Variants in PIN4 observed in about 807,000 individuals in gnomAD.
The protein encoded by PIN4 is peptidyl-prolyl cis-trans isomerase NIMA-interacting 4.
Under a neutral mutation model 8.3 loss-of-function variants are expected in PIN4, and 3 were observed. The observed-to-expected ratio is 0.36, with a 90% CI of 0.16 to 0.93. PIN4 has a LOEUF of 0.93. PIN4 is among the 40% of genes least tolerant of loss of function. The pLI is 0.44. For synonymous variants in PIN4, 18 were observed against 32.5 expected, an observed-to-expected ratio of 0.55 and a Z score of 1.52; for missense variants, 75 against 100.6, an observed-to-expected ratio of 0.75 and a Z score of 1.09.
intron 3 of PIN4, among the ~76,000 whole-genome samples, chrX:72,235,324 G>T (rs761550360): frequency 9.2e-6 from 1 of 108,839 alleles, no homozygotes; most frequent in East Asian, 2.9e-4. Context: ...ACCGAGCCAG[G>T]TAGGATAGGT....
chrX:72,213,475 A>C (rs1476750046), intron 3 of PIN4, among the ~76,000 whole-genome samples: 1 of 111,280 alleles, frequency 9.0e-6, no homozygotes, highest in Non-Finnish European at 1.9e-5. Flanking sequence ...CACTCTATTA[A>C]ATCTTGCAAC....
chrX:72,202,033 A>G (rs983606295), downstream of PIN4, among the ~76,000 whole-genome samples: 1 of 112,973 alleles, frequency 8.9e-6, no homozygotes, highest in East Asian at 2.8e-4. Flanking sequence ...TGAAGTTACA[A>G]GTCATTTACT....
At chrX:72,182,663 A>T (rs2042680151) in intron 1 of PIN4, among the ~76,000 whole-genome samples, 1 of 111,832 alleles carries the variant, frequency 8.9e-6, no homozygotes, top group South Asian at 3.7e-4. Flanking sequence ...GGGATATAAT[A>T]GAAATTGAGG....
intron 3 of PIN4, among the ~76,000 whole-genome samples, chrX:72,232,532 G>A (rs1182451862): frequency 9.0e-6 from 1 of 111,374 alleles, no homozygotes; most frequent in Non-Finnish European, 1.9e-5. Context: ...TTTGCAGCCA[G>A]GCTTGGTGGC....
intron 3 of PIN4, among the ~76,000 whole-genome samples, chrX:72,240,779 G>A (rs753008704): frequency 2.9e-5 from 3 of 101,893 alleles, no homozygotes; most frequent in Non-Finnish European, 3.9e-5. Flanking sequence ...CAGCCTGGGC[G>A]ACAGAGCAAG....
intron 3 of PIN4, among the ~76,000 whole-genome samples, chrX:72,212,324 C>T (rs975522525): frequency 3.4e-4 from 38 of 111,146 alleles, no homozygotes; most frequent in Admixed American, 7.7e-4. Flanking sequence ...GCTATTTCCT[C>T]AGATGCAAAC....
intron 3 of PIN4, among the ~76,000 whole-genome samples, chrX:72,243,302 A>T (rs1344499616): frequency 1.8e-5 from 2 of 112,137 alleles, no homozygotes; most frequent in African/African-American, 3.2e-5. Flanking sequence ...ACAAGAGCAA[A>T]ATTCTGTCTC....
rs990688578 is a variant in PIN4 at position 72,226,846 on chromosome X, C to G, written c.312+29942C>G. On this transcript the variant is annotated intron_variant, in intron 3 of 3. Transcript: ENST00000423432. Reference sequence around the variant, plus strand: ...ACAAAACAAATTAGTCCCATCTGACCCTGAAGAAACTGCTCTTTTATAGGA... The same window carrying G: ...ACAAAACAAATTAGTCCCATCTGACGCTGAAGAAACTGCTCTTTTATAGGA... Among the ~76,000 whole-genome samples, 3 of 111,639 alleles carry G rather than the reference C, an allele frequency of 2.7e-5. No homozygotes were observed. The Admixed American group carries it at 2.9e-4, about 11-fold the overall frequency.
At chrX:72,192,012 C>T (rs776258429) in intron 2 of PIN4, among the ~76,000 whole-genome samples, 9 of 110,459 alleles carry the variant, frequency 8.1e-5, no homozygotes, top group Admixed American at 1.9e-4. Context: ...AGTGCAGTGG[C>T]GCGATCTTGG....
chrX:72,228,746 C>T (rs1482559921), intron 3 of PIN4, among the ~76,000 whole-genome samples: 2 of 110,831 alleles, frequency 1.8e-5, no homozygotes, highest in African/African-American at 3.3e-5. Context: ...TCGCTTTTTG[C>T]TTGTTTTTTT....
chrX:72,228,619 T>C (rs1452510677), intron 3 of PIN4, among the ~76,000 whole-genome samples: 1 of 111,931 alleles, frequency 8.9e-6, no homozygotes, highest in Non-Finnish European at 1.9e-5. Context: ...GTTACAGTCC[T>C]TCAGCGGTAC....
chrX:72,207,257 A>G (rs2042825731), intron 3 of PIN4: 10 of 1,210,135 alleles, frequency 8.3e-6, no homozygotes, highest in Non-Finnish European at 1.1e-5. Flanking sequence ...TCGATTCGCA[A>G]TGTCTTAAAG....
chrX:72,191,530 G>A lies in PIN4; in HGVS notation c.117+4996G>A, dbSNP rs763722078. 3.2e-4 allele frequency among the ~76,000 whole-genome samples: 33 copies of A among 102,650 alleles called. No individual in the cohort carries two copies. In the Admixed American group the frequency reaches 3.2e-3, roughly 10 times the overall value. 89.1% of individuals were successfully genotyped at this position (102,650 alleles called of 115,157 possible). On this transcript the variant is annotated intron_variant, in intron 2 of 3. Transcript: ENST00000373669. ...TGCGCCACTGCACTCCAGCCTGGGCGACAGAGTGAGACTCCATCTCAAAAA... is the reference window on the plus strand; with the variant it reads ...TGCGCCACTGCACTCCAGCCTGGGCAACAGAGTGAGACTCCATCTCAAAAA...
At chrX:72,197,019 A>G (rs2042770158) in intron 3 of PIN4, 115 bp downstream of exon 3, 1 of 672,142 alleles carries the variant, frequency 1.5e-6, no homozygotes, top group Non-Finnish European at 2.2e-6. Context: ...ACACAGAAGT[A>G]GGGATCATTC....
intron 3 of PIN4, among the ~76,000 whole-genome samples, chrX:72,260,217 C>A (rs905015101): frequency 2.7e-5 from 3 of 112,497 alleles, no homozygotes; most frequent in Admixed American, 9.4e-5. Flanking sequence ...TTCATCCTAG[C>A]TGCAAAGATA....
downstream of PIN4, among the ~76,000 whole-genome samples, chrX:72,201,437 C>CA (rs1380853657): frequency 1.8e-5 from 2 of 110,560 alleles, no homozygotes; most frequent in African/African-American, 6.6e-5. Context: ...ACCAAAAATA[C>CA]AAAAAATTAG....
intron 3 of PIN4, among the ~76,000 whole-genome samples, chrX:72,253,969 G>GA (rs928896485): frequency 2.8e-5 from 3 of 108,180 alleles, no homozygotes; most frequent in Non-Finnish European, 5.8e-5. Context: ...CTTAAAAAAA[G>GA]AAAAAAAATA....
intron 3 of PIN4, among the ~76,000 whole-genome samples, chrX:72,221,586 C>T (rs143657071): frequency 3.1e-3 from 344 of 111,405 alleles, no homozygotes; most frequent in African/African-American, 0.01. Flanking sequence ...CTTGGCTTAC[C>T]GGGAAGCATA....
intron 3 of PIN4, among the ~76,000 whole-genome samples, chrX:72,234,635 C>T (rs1311126382): frequency 9.0e-6 from 1 of 110,629 alleles, no homozygotes; most frequent in Non-Finnish European, 1.9e-5. Context: ...AGTCCTTATA[C>T]CAGTGAGTGA....
Sources: allele counts gnomAD v4.1 joint callset (sites outside exome capture counted in the v4.1 genomes callset), GRCh38; gene constraint gnomAD v4.1.1; transcripts MANE v1.5; gene names NCBI Gene and HGNC (gene_info 2026-07-23, HGNC 2026-07-21).